Variants in TXNL4A observed in about 807,000 individuals in gnomAD.
TXNL4A encodes thioredoxin like 4A.
A neutral mutation model predicts 14.6 loss-of-function variants in TXNL4A; 17 were observed. That is an observed-to-expected ratio of 1.16 (90% CI 0.80 to 1.74). The LOEUF is 1.74. Ranked by LOEUF, TXNL4A falls within the 40% of genes most tolerant of loss-of-function variation. The pLI is 0.00. For missense variants in TXNL4A, 74 were observed against 195.2 expected (o/e 0.38, Z 3.70); for synonymous variants, 83 against 70.6 (o/e 1.18, Z -0.88).
chr18:79,983,731 T>C (rs2051499425), intron 1 of TXNL4A, among the ~76,000 whole-genome samples: 1 of 152,244 alleles, frequency 6.6e-6, no homozygotes, highest in Non-Finnish European at 1.5e-5. Flanking sequence ...GCAAACTTAG[T>C]AATGTGAGAG....
chr18:80,029,416 T>C (rs2051906752), intron 1 of TXNL4A, among the ~76,000 whole-genome samples: 2 of 152,206 alleles, frequency 1.3e-5, no homozygotes, highest in Admixed American at 1.3e-4. Context: ...AAGTATGTTT[T>C]ACTAATGCTC....
chr18:79,988,565 G>C (rs567685313), upstream of TXNL4A: 5 of 625,792 alleles, frequency 8.0e-6, no homozygotes, highest in Admixed American at 4.5e-5. Flanking sequence ...AGAACGTCTG[G>C]GCGCGCACGC....
rs774646403 is a variant in TXNL4A, at chr18:79,973,854, T to C, written c.260A>G (p.Asn87Ser). The change falls in exon 3 of 3, where the codon AAC becomes AGC. Residue 87 changes from asparagine to serine, a missense_variant and splice_region_variant. Asn to Ser is a conservative substitution (Grantham distance 46, BLOSUM62 1). Coordinates refer to ENST00000269601, the MANE Select transcript of TXNL4A (RefSeq NM_006701.5). ...CCCCAAGTCAATCATGATGTGCTTG[T>C]TCCTGCAACGAGAAACAAGGGCATC... ...DPCTVMFFFR[N>S]KHIMIDLGTG... 14 of 1,613,108 alleles carry C rather than the reference T, an allele frequency of 8.7e-6. No homozygotes were observed. The highest frequency in any genetic ancestry group is 1.1e-5 in the Non-Finnish European group (13 of 1,179,668).
chr18:80,018,459 A>G (rs2145122688), intron 1 of TXNL4A, among the ~76,000 whole-genome samples: 1 of 152,352 alleles, frequency 6.6e-6, no homozygotes, highest in Middle Eastern at 3.4e-3. Context: ...TTCAAAAGCT[A>G]GCAGAAGGCA....
chr18:79,990,912 G>A (rs1599734805), upstream of TXNL4A, among the ~76,000 whole-genome samples: 1 of 151,462 alleles, frequency 6.6e-6, no homozygotes, highest in Non-Finnish European at 1.5e-5. Context: ...AGACCATCCT[G>A]GCTAACACGG....
chr18:80,018,899 C>G (rs1319854846), intron 1 of TXNL4A, among the ~76,000 whole-genome samples: 2 of 152,208 alleles, frequency 1.3e-5, no homozygotes, highest in African/African-American at 4.8e-5. Flanking sequence ...AGTATCTTTG[C>G]TAAAACAAAA....
At chr18:80,001,498 G>A (rs761727383) in intron 1 of TXNL4A, among the ~76,000 whole-genome samples, 3 of 152,128 alleles carry the variant, frequency 2.0e-5, no homozygotes, top group Non-Finnish European at 4.4e-5. Flanking sequence ...TGTGGCCCTG[G>A]AAGAGCCACA....
upstream of TXNL4A, chr18:79,988,640 G>T: frequency 3.0e-6 from 1 of 337,046 alleles, no homozygotes; most frequent in East Asian, 4.7e-5. Context: ...CGGCATGTGC[G>T]TATAGGCGCC....
chr18:80,018,014 G>C (rs906133369), intron 1 of TXNL4A, among the ~76,000 whole-genome samples: 2 of 151,726 alleles, frequency 1.3e-5, no homozygotes, highest in African/African-American at 4.8e-5. Context: ...TGGTTGGTAA[G>C]CTATTGATTA....
intron 1 of TXNL4A, among the ~76,000 whole-genome samples, chr18:80,001,261 C>T (rs2051696621): frequency 1.3e-5 from 2 of 152,186 alleles, no homozygotes; most frequent in African/African-American, 2.4e-5. Flanking sequence ...GTTTGGGAAC[C>T]TCTGCCTAGA....
At position 79,994,060 on chromosome 18, in the gene TXNL4A, A is replaced by T. The variant is rs570329764; in HGVS notation, c.-60-16359T>A. On this transcript the variant is annotated intron_variant, in intron 1 of 2. Coordinates refer to the TXNL4A transcript ENST00000585474. ...GGGGAACTTTAAATTATGGGGAATG[A>T]GGCCTCTAAATTAGCTAAAACCCCA... Among the ~76,000 whole-genome samples, 3 of 152,356 alleles carry T rather than the reference A, an allele frequency of 2.0e-5. No individual in the cohort carries two copies. The South Asian group carries it at 6.2e-4, about 32-fold the overall frequency.
At chr18:79,996,988 G>A (rs2051667394) in intron 1 of TXNL4A, among the ~76,000 whole-genome samples, 1 of 152,102 alleles carries the variant, frequency 6.6e-6, no homozygotes, top group Non-Finnish European at 1.5e-5. Flanking sequence ...TTTAGTACTA[G>A]TAATGTTAAG....
chr18:79,995,972 C>T (rs938288663), intron 1 of TXNL4A, among the ~76,000 whole-genome samples: 3 of 151,920 alleles, frequency 2.0e-5, no homozygotes, highest in African/African-American at 4.8e-5. Context: ...GGCATGGTGG[C>T]GGGCGCCTGT....
At chr18:79,990,612 A>T (rs551054431), upstream of TXNL4A, among the ~76,000 whole-genome samples, 21 of 152,378 alleles carry the variant, frequency 1.4e-4, no homozygotes, top group African/African-American at 4.8e-4. Flanking sequence ...GTTGCTTAAC[A>T]CATCACAAGC....
chr18:80,023,851 C>T (rs1156992835), intron 1 of TXNL4A, among the ~76,000 whole-genome samples: 2 of 152,250 alleles, frequency 1.3e-5, no homozygotes, highest in Admixed American at 6.5e-5. Flanking sequence ...CAATATCCCA[C>T]CCTTTCCCCT....
At chr18:80,024,026 C>A (rs979314614) in intron 1 of TXNL4A, among the ~76,000 whole-genome samples, 1 of 152,188 alleles carries the variant, frequency 6.6e-6, no homozygotes, top group African/African-American at 2.4e-5. Context: ...GTGAAAGTAG[C>A]CTGGCCTGGG....
At chr18:80,007,111 G>T (rs1296951362) in intron 1 of TXNL4A, among the ~76,000 whole-genome samples, 1 of 152,170 alleles carries the variant, frequency 6.6e-6, no homozygotes, top group African/African-American at 2.4e-5. Context: ...TTTACAAGCT[G>T]CTCTTTGTTA....
At chr18:80,001,997 A>T (rs2048404526) in intron 1 of TXNL4A, among the ~76,000 whole-genome samples, 1 of 152,220 alleles carries the variant, frequency 6.6e-6, no homozygotes. Flanking sequence ...TCCCCACCCA[A>T]ATCTCATCTT....
chr18:80,013,693 C>T (rs2051787664), intron 1 of TXNL4A, among the ~76,000 whole-genome samples: 1 of 152,118 alleles, frequency 6.6e-6, no homozygotes, highest in Non-Finnish European at 1.5e-5. Context: ...ATCCACCCAC[C>T]TCAGTCTCCC....
Sources: gnomAD v4.1 joint callset for allele counts (sites outside exome capture counted in the v4.1 genomes callset) on GRCh38, gnomAD v4.1.1 for gene constraint, MANE v1.5 for transcripts, NCBI Gene and HGNC (gene_info 2026-07-23, HGNC 2026-07-21) for gene names.